NAV2: variants seen among roughly 807,000 people sequenced by gnomAD.
NAV2 encodes the protein neuron navigator 2.
NAV2 carries 54 observed loss-of-function variants against 223.2 expected under a neutral mutation model. The ratio of observed to expected loss-of-function variants is 0.24; its 90% CI spans 0.19 to 0.30. The LOEUF is 0.30. Among genes scored for constraint, NAV2 ranks in the 10% least tolerant of loss-of-function variants. The pLI, the probability that NAV2 is intolerant of heterozygous loss-of-function variation, is 1.00. For synonymous variants in NAV2, 1,279 were observed against 1,239.3 expected (o/e 1.03, Z -0.67); for missense variants, 2,806 against 3,147.5 (o/e 0.89, Z 2.60).
intron 1 of NAV2, among the ~76,000 whole-genome samples, chr11:19,449,394 CTCAAAAA>C (rs2133774807): frequency 6.8e-6 from 1 of 147,790 alleles, no homozygotes; most frequent in Admixed American, 6.7e-5. Context: ...GAGACTCCAT[CTCAAAAA>C]AAAAAAAAAA....
At chr11:19,648,578 G>A (rs897626058) in intron 1 of NAV2, among the ~76,000 whole-genome samples, 3 of 152,216 alleles carry the variant, frequency 2.0e-5, no homozygotes, top group Admixed American at 2.0e-4. Context: ...TGGCTCTTAT[G>A]TTTGTTGGGT....
chr11:20,006,016 G>A (rs1471447621), intron 11 of NAV2, among the ~76,000 whole-genome samples: 2 of 152,000 alleles, frequency 1.3e-5, no homozygotes, highest in African/African-American at 2.4e-5. Context: ...TTGAGAGGCC[G>A]AGGCGGGTGG....
chr11:19,913,253 G>T (rs1224589649), intron 6 of NAV2, among the ~76,000 whole-genome samples: 1 of 152,078 alleles, frequency 6.6e-6, no homozygotes, highest in Admixed American at 6.5e-5. Flanking sequence ...TTTTGTGTTT[G>T]CAGCTTTATT....
chr11:19,584,215 G>A (rs1468891634), intron 1 of NAV2, among the ~76,000 whole-genome samples: 7 of 152,186 alleles, frequency 4.6e-5, no homozygotes, highest in East Asian at 1.9e-4. Flanking sequence ...CTGTGGGATC[G>A]GTGGTGATAT....
At chr11:19,943,336 A>G (rs149462998) in intron 8 of NAV2, among the ~76,000 whole-genome samples, 2 of 152,206 alleles carry the variant, frequency 1.3e-5, no homozygotes, top group African/African-American at 4.8e-5. Context: ...TTTTAAAAAA[A>G]CACATACATA....
chr11:19,842,030 G>A (rs1381980494), intron 2 of NAV2, among the ~76,000 whole-genome samples: 2 of 152,128 alleles, frequency 1.3e-5, no homozygotes, highest in Non-Finnish European at 2.9e-5. Flanking sequence ...TGGAATTCAC[G>A]CTAACGTATC....
chr11:19,858,968 C>A (rs1436610897), intron 3 of NAV2, among the ~76,000 whole-genome samples: 1 of 152,082 alleles, frequency 6.6e-6, no homozygotes, highest in African/African-American at 2.4e-5. Context: ...AGATCATTGA[C>A]ATATATCCAC....
rs369906463 is a variant in NAV2, at chr11:19,354,072, T to G, written c.75+3045T>G. Among the ~76,000 whole-genome samples, 5 of 152,368 alleles carry G rather than the reference T, an allele frequency of 3.3e-5. No homozygotes were observed. The East Asian group carries it at 9.6e-4, about 29-fold the overall frequency. On this transcript the variant is annotated intron_variant, in intron 1 of 37. Transcript: ENST00000360655. ...TATTAATCCCTTATAGATGTATATT[T>G]AGGATGTTTCCAGGTTTTTGGTTTG...
At position 19,949,075 on chromosome 11, in the gene NAV2, A is replaced by G; in HGVS notation, c.2640A>G (p.Thr880=). Residue 880 remains threonine, a synonymous_variant, in exon 10 of 38, where the codon ACA becomes ACG. Transcript: ENST00000349880. ...LSKNIRTDDI[T]SGYMTDGGLG... is the part of the protein sequence containing the mutation. ...AGAACATCCGGACCGATGACATTAC[A>G]AGCGGGTAAGTACCCGGGGCCGCCC... The G allele has an allele frequency of 6.2e-6, 10 of 1,601,484 alleles. No individual in the cohort carries two copies. Among genetic ancestry groups the G allele is most frequent in the Non-Finnish European group, 7.7e-6 (9 of 1,172,042 alleles).
At chr11:20,083,749 A>AGTTTG (rs1266659564) in intron 26 of NAV2, among the ~76,000 whole-genome samples, 61 of 152,204 alleles carry the variant, frequency 4.0e-4, no homozygotes, top group Admixed American at 3.9e-3. Context: ...GGTTGTATAA[A>AGTTTG]CTTCAGTTTC....
intron 1 of NAV2, among the ~76,000 whole-genome samples, chr11:19,817,884 A>G (rs931875739): frequency 6.6e-6 from 1 of 152,168 alleles, no homozygotes; most frequent in African/African-American, 2.4e-5. Context: ...CACTTGCCCT[A>G]GAAAGCACCA....
intron 5 of NAV2, among the ~76,000 whole-genome samples, chr11:19,889,143 A>C (rs2041275056): frequency 6.6e-6 from 1 of 152,184 alleles, no homozygotes; most frequent in Admixed American, 6.5e-5. Flanking sequence ...AGTCTGAATT[A>C]GTTCAGTTTG....
chr11:19,590,157 A>G (rs2046018526), intron 1 of NAV2, among the ~76,000 whole-genome samples: 1 of 152,252 alleles, frequency 6.6e-6, no homozygotes. Context: ...CCTAGCTTTT[A>G]GAGCTGCTGC....
intron 1 of NAV2, among the ~76,000 whole-genome samples, chr11:19,415,133 T>C (rs1184006801): frequency 6.6e-6 from 1 of 152,082 alleles, no homozygotes; most frequent in Admixed American, 6.6e-5. Flanking sequence ...CGAAAAACCC[T>C]TCAAAAAATC....
At chr11:19,547,075 TG>T (rs1232627137) in intron 1 of NAV2, among the ~76,000 whole-genome samples, 1 of 152,186 alleles carries the variant, frequency 6.6e-6, no homozygotes, top group South Asian at 2.1e-4. Context: ...AATATTGACA[TG>T]GGGGTGGTCC....
intron 1 of NAV2, among the ~76,000 whole-genome samples, chr11:19,375,658 A>C (rs192586710): frequency 1.3e-5 from 2 of 152,306 alleles, no homozygotes; most frequent in East Asian, 3.9e-4. Flanking sequence ...ACCTAAATTT[A>C]TCTACAGAAT....
intron 1 of NAV2, among the ~76,000 whole-genome samples, chr11:19,375,182 A>G (rs1848600847): frequency 6.6e-6 from 1 of 152,214 alleles, no homozygotes; most frequent in African/African-American, 2.4e-5. Flanking sequence ...GTGGCAGCCA[A>G]TTGTTCTTTC....
intron 1 of NAV2, among the ~76,000 whole-genome samples, chr11:19,534,636 G>A (rs1239342045): frequency 6.6e-6 from 1 of 152,210 alleles, no homozygotes; most frequent in East Asian, 1.9e-4. Flanking sequence ...GATCATGGAT[G>A]GCTCCCAGGG....
chr11:19,994,645 A>G (rs2051691562), intron 11 of NAV2, among the ~76,000 whole-genome samples: 1 of 152,188 alleles, frequency 6.6e-6, no homozygotes, highest in Non-Finnish European at 1.5e-5. Flanking sequence ...TAAGCCCAGA[A>G]TATAAGGCAC....
Sources: gnomAD v4.1 joint callset for allele counts (sites outside exome capture counted in the v4.1 genomes callset) on GRCh38, gnomAD v4.1.1 for gene constraint, MANE v1.5 for transcripts, NCBI Gene and HGNC (gene_info 2026-07-23, HGNC 2026-07-21) for gene names.